IQCH: variants seen among roughly 807,000 people sequenced by gnomAD.
IQCH encodes IQ domain-containing protein H.
IQCH carries 98 observed loss-of-function variants against 117.0 expected under a neutral mutation model. The observed-to-expected ratio is 0.84, with a 90% CI of 0.71 to 0.99. IQCH has a LOEUF of 0.99. Ranked by LOEUF, IQCH falls within the 50% of genes least tolerant of loss-of-function variation. The probability of loss-of-function intolerance (pLI) is 0.00; values close to 1 mark genes in which losing one functional copy is unlikely to be tolerated. For missense variants in IQCH, 1,102 were observed against 1,243.8 expected (o/e 0.89, Z 1.72); for synonymous variants, 412 against 448.2 (o/e 0.92, Z 1.02).
intron 17 of IQCH, among the ~76,000 whole-genome samples, chr15:67,470,400 G>A (rs956150297): frequency 2.8e-4 from 43 of 152,058 alleles, no homozygotes; most frequent in African/African-American, 1.0e-3. Flanking sequence ...GGATGGTCTC[G>A]ATCTCCTGAC....
intron 16 of IQCH, among the ~76,000 whole-genome samples, chr15:67,442,044 A>C (rs905899997): frequency 3.3e-5 from 5 of 152,208 alleles, no homozygotes; most frequent in Non-Finnish European, 4.4e-5. Flanking sequence ...TAAGAAAAAA[A>C]CAATCCCATC....
intron 4 of IQCH, among the ~76,000 whole-genome samples, chr15:67,287,037 G>A (rs1455731437): frequency 1.3e-5 from 2 of 152,150 alleles, no homozygotes; most frequent in Non-Finnish European, 2.9e-5. Context: ...TGATCATATG[G>A]TTTTGTCCTC....
intron 16 of IQCH, among the ~76,000 whole-genome samples, chr15:67,439,888 C>CA (rs201813482): frequency 0.083 from 6,976 of 83,822 alleles, 784 homozygotes; most frequent in African/African-American, 0.22. Context: ...AACTCCGTCT[C>CA]AAAAAAAAAA....
chr15:67,454,557 C>T lies in IQCH; in HGVS notation c.2506-10570C>T, dbSNP rs1028921539. On this transcript the variant is annotated intron_variant, in intron 16 of 20. Coordinates refer to ENST00000335894, the MANE Select transcript of IQCH (RefSeq NM_001031715.3). This position sits in a 1 kb window ranked among gnomAD's most constrained non-coding sequence, Gnocchi z 5.2. The stretch of plus-strand genomic sequence containing the variant: ...AAAGAATGCTGTACACATTAGAAGT[C>T]ACTCCCCATACCTCCTTCCTCACAG... Among the ~76,000 whole-genome samples, 1 of 152,220 alleles carries T rather than the reference C, an allele frequency of 6.6e-6. No individual in the cohort carries two copies. The highest frequency in any genetic ancestry group is 2.4e-5 in the African/African-American group (1 of 41,456).
At chr15:67,480,826 G>T (rs1365787142) in intron 18 of IQCH, among the ~76,000 whole-genome samples, 1 of 152,092 alleles carries the variant, frequency 6.6e-6, no homozygotes, top group Non-Finnish European at 1.5e-5. Context: ...AGCTCTAGGA[G>T]AAACAGTTGG....
intron 4 of IQCH, among the ~76,000 whole-genome samples, chr15:67,318,528 T>G (rs1208374618): frequency 1.3e-5 from 2 of 152,228 alleles, no homozygotes; most frequent in Non-Finnish European, 2.9e-5. Flanking sequence ...TTGGTTTGCA[T>G]GGAATATTAA....
rs1372396800 is a variant in IQCH, at chr15:67,403,263, AG to A, written c.2097+2959del. ...AGACACTGTCTCAAAAAAAAAAAAAAGTCATCTCTTTTTTCACCTATGTAAT... is the reference window on the plus strand; with the variant it reads ...AGACACTGTCTCAAAAAAAAAAAAAATCATCTCTTTTTTCACCTATGTAAT... On this transcript the variant is annotated intron_variant, in intron 14 of 20. Transcript: ENST00000335894. The surrounding 1 kb of genome is among the most constrained non-coding windows in gnomAD (Gnocchi z 4.8). Among the ~76,000 whole-genome samples, 1 of 152,030 alleles carries A rather than the reference AG, an allele frequency of 6.6e-6. No homozygotes were observed. The highest frequency in any genetic ancestry group is 2.4e-5 in the African/African-American group (1 of 41,400).
chr15:67,277,009 C>G (rs2140467403), intron 3 of IQCH, among the ~76,000 whole-genome samples: 1 of 152,266 alleles, frequency 6.6e-6, no homozygotes, highest in Non-Finnish European at 1.5e-5. Flanking sequence ...CTCTTTTCAT[C>G]TTTGCGTTTC....
Position 67,467,684 on chromosome 15 carries a change from C to T in IQCH, c.2676+2387C>T, listed in dbSNP as rs553824946. Among the ~76,000 whole-genome samples, 2 of 152,266 alleles carry T rather than the reference C, an allele frequency of 1.3e-5. No individual in the cohort carries two copies. Among genetic ancestry groups the T allele is most frequent in the Middle Eastern group, 3.4e-3 (1 of 294 alleles). The stretch of plus-strand genomic sequence containing the variant: ...AAAGAAGCATGTGCACATGCACACG[C>T]GGTACAACTCACAAGCAAATCGAAG... On this transcript the variant is annotated intron_variant, in intron 17 of 20. Transcript: ENST00000335894. The surrounding 1 kb of genome is among the most constrained non-coding windows in gnomAD (Gnocchi z 5.7).
chr15:67,317,905 G>A lies in IQCH; in HGVS notation c.388-19070G>A, dbSNP rs538553427. Among the ~76,000 whole-genome samples, 9 of 152,156 alleles carry A rather than the reference G, an allele frequency of 5.9e-5. No individual in the cohort carries two copies. In the East Asian group the frequency reaches 1.7e-3, roughly 29 times the overall value. On this transcript the variant is annotated intron_variant, in intron 4 of 20. Transcript: ENST00000335894. ...TTCCCACCCCCAAGCCCTACACACGGCTTCCCTTAGGTGATTGTAGCACAA... is the reference window on the plus strand; with the variant it reads ...TTCCCACCCCCAAGCCCTACACACGACTTCCCTTAGGTGATTGTAGCACAA...
intron 4 of IQCH, among the ~76,000 whole-genome samples, chr15:67,318,094 T>G (rs1027472081): frequency 6.6e-6 from 1 of 152,206 alleles, no homozygotes; most frequent in Admixed American, 6.5e-5. Flanking sequence ...ATACAAGGGT[T>G]GAAAGATAAA....
At chr15:67,367,958 A>G (rs896935212) in intron 8 of IQCH, among the ~76,000 whole-genome samples, 5 of 152,124 alleles carry the variant, frequency 3.3e-5, no homozygotes, top group Non-Finnish European at 7.4e-5. Flanking sequence ...AAGTCATTTA[A>G]CCTCTCTGAG....
intron 8 of IQCH, among the ~76,000 whole-genome samples, chr15:67,367,266 T>C (rs1970365857): frequency 6.6e-6 from 1 of 152,134 alleles, no homozygotes; most frequent in East Asian, 1.9e-4. Flanking sequence ...CTGAGTGCAG[T>C]GGGTCATGCC....
Position 67,490,041 on chromosome 15 carries a change from G to A in IQCH, c.2838G>A (p.Leu946=). 6.2e-7 allele frequency: 1 copy of A among 1,612,388 alleles called. No homozygotes were observed. Among genetic ancestry groups the A allele is most frequent in the Non-Finnish European group, 8.5e-7 (1 of 1,178,522 alleles). The change falls in exon 19 of 21, where the codon CTG becomes CTA. Residue 946 remains leucine (L), a synonymous_variant. Transcript: ENST00000335894. This position sits in a 1 kb window ranked among gnomAD's most constrained non-coding sequence, Gnocchi z 4.9. ...CTGTTTTTATATTATATGAGCACCTGAAGAGACACAAGTTGGGAATGTTGT... is the reference window on the plus strand; with the variant it reads ...CTGTTTTTATATTATATGAGCACCTAAAGAGACACAAGTTGGGAATGTTGT... ...QGTVFILYEH[L]KRHKLGMLTI... is the part of the protein sequence containing the mutation.
rs2083960512 is a variant in IQCH at position 67,500,798 on chromosome 15, C to T, written c.*52C>T. ...GGATCCCAGTCTGGAATAAAAAGGG[C>T]AATTTTTTTTTCTGTTAGAAATAAA... On this transcript the variant is annotated 3_prime_UTR_variant, in exon 21 of 21. Coordinates refer to ENST00000335894, the MANE Select transcript of IQCH (RefSeq NM_001031715.3). The surrounding 1 kb of genome is among the most constrained non-coding windows in gnomAD (Gnocchi z 4.4). 3 of 943,814 alleles carry T rather than the reference C, an allele frequency of 3.2e-6. No individual in the cohort carries two copies. The highest frequency in any genetic ancestry group is 3.6e-5 in the South Asian group (2 of 55,608). The allele number at this position is 943,814 out of a possible 1,614,324, so 58.5% of individuals were successfully genotyped here. A position where few individuals can be genotyped will look rare whatever the true frequency, so the allele number is the denominator to read the frequency against.
At chr15:67,409,573 G>A (rs2081390832) in intron 14 of IQCH, among the ~76,000 whole-genome samples, 1 of 152,142 alleles carries the variant, frequency 6.6e-6, no homozygotes, top group Non-Finnish European at 1.5e-5. Context: ...GATAATGAGG[G>A]ACAGACTCCT....
At position 67,384,888 on chromosome 15, in the gene IQCH, T is replaced by C. The variant is rs140674701; in HGVS notation, c.1373-48T>C. 1.1e-3 allele frequency: 1,220 copies of C among 1,153,092 alleles called. 11 individuals carry two copies. The African/African-American group carries it at 0.016, about 15-fold the overall frequency. The allele number at this position is 1,153,092 out of a possible 1,614,324, so 71.4% of individuals were successfully genotyped here. ...TTGAAATTCTCTTGTGCCATTTTGC[T>C]ATATCGACTTGCTCTTTCTGTGTTT... On this transcript the variant is annotated intron_variant, in intron 10 of 20. Coordinates refer to ENST00000335894, the MANE Select transcript of IQCH (RefSeq NM_001031715.3). The surrounding 1 kb of genome is among the most constrained non-coding windows in gnomAD (Gnocchi z 4.3).
intron 6 of IQCH, among the ~76,000 whole-genome samples, chr15:67,349,396 A>G (rs1181013110): frequency 6.6e-6 from 1 of 152,226 alleles, no homozygotes; most frequent in Non-Finnish European, 1.5e-5. Context: ...AGTTGGGTGG[A>G]TCACTTGAGG....
At chr15:67,469,528 C>A (rs2083018401) in intron 17 of IQCH, among the ~76,000 whole-genome samples, 1 of 152,204 alleles carries the variant, frequency 6.6e-6, no homozygotes, top group Admixed American at 6.5e-5. Context: ...CAGGTCATAT[C>A]CTAAGTTCTC....
Sources: gnomAD v4.1 joint callset for allele counts (sites outside exome capture counted in the v4.1 genomes callset) on GRCh38, gnomAD v4.1.1 for gene constraint, Gnocchi (gnomAD v3.1) non-coding constraint, MANE v1.5 for transcripts, NCBI Gene and HGNC (gene_info 2026-07-23, HGNC 2026-07-21) for gene names.